The following SPAG16 variants were observed in gnomAD, a reference collection of about 807,000 sequenced individuals.
SPAG16 encodes the protein sperm associated antigen 16.
A neutral mutation model predicts 80.4 loss-of-function variants in SPAG16; 86 were observed. The ratio of observed to expected loss-of-function variants is 1.07; its 90% CI spans 0.90 to 1.28. The LOEUF (loss-of-function observed/expected upper bound fraction) is 1.28, where lower values mean the gene tolerates loss of function less well. Ranked by LOEUF, SPAG16 falls within the 50% of genes most tolerant of loss-of-function variation. The pLI, the probability that SPAG16 is intolerant of heterozygous loss-of-function variation, is 0.00. For missense variants in SPAG16, 870 were observed against 765.3 expected (o/e 1.14, Z -1.61); for synonymous variants, 294 against 265.9 (o/e 1.11, Z -1.03).
chr2:214,291,769 T>G (rs974166992), intron 15 of SPAG16, among the ~76,000 whole-genome samples: 4 of 152,230 alleles, frequency 2.6e-5, no homozygotes, highest in African/African-American at 9.6e-5. Flanking sequence ...CTTCTTTCAT[T>G]TGCTATTGTG....
At chr2:213,704,348 A>G (rs919279743) in intron 10 of SPAG16, among the ~76,000 whole-genome samples, 1 of 152,180 alleles carries the variant, frequency 6.6e-6, no homozygotes. Context: ...GCACTACAGT[A>G]TTTCATTTTA....
chr2:214,003,774 G>A (rs543971991), intron 12 of SPAG16, among the ~76,000 whole-genome samples: 46 of 152,206 alleles, frequency 3.0e-4, no homozygotes, highest in Admixed American at 2.2e-3. Flanking sequence ...TCATTAACAT[G>A]GACCACATAG....
chr2:213,598,277 G>A (rs1357680739), intron 10 of SPAG16, among the ~76,000 whole-genome samples: 3 of 152,154 alleles, frequency 2.0e-5, no homozygotes, highest in Admixed American at 2.0e-4. Flanking sequence ...CCTTCAGAGG[G>A]TGAAGGGGAA....
At chr2:213,994,209 A>G (rs2046409503) in intron 12 of SPAG16, among the ~76,000 whole-genome samples, 1 of 152,144 alleles carries the variant, frequency 6.6e-6, no homozygotes, top group African/African-American at 2.4e-5. Context: ...TTTTATGGGC[A>G]GGAGGAGTGA....
At chr2:213,359,094 A>ACAGCAAATATTGCAGAG (rs1325585832) in intron 7 of SPAG16, among the ~76,000 whole-genome samples, 4 of 152,184 alleles carry the variant, frequency 2.6e-5, no homozygotes, top group Admixed American at 2.6e-4. Flanking sequence ...AGGCTGTAGA[A>ACAGCAAATATTGCAGAG]CAGCAAATAT....
chr2:213,860,449 G>GTATATATATACAGATATATCTATCTATA (rs2075391611), intron 10 of SPAG16, among the ~76,000 whole-genome samples: 2 of 119,290 alleles, frequency 1.7e-5, no homozygotes, highest in Non-Finnish European at 3.6e-5. Flanking sequence ...ATAGATATAT[G>GTATATATATACAGATATATCTATCTATA]TATATATATA....
At chr2:213,425,651 CAA>C (rs34843702) in intron 9 of SPAG16, among the ~76,000 whole-genome samples, 12 of 82,116 alleles carry the variant, frequency 1.5e-4, no homozygotes, top group African/African-American at 3.0e-4. Context: ...GACTCCATCT[CAA>C]AAAAAAAAAA....
intron 12 of SPAG16, among the ~76,000 whole-genome samples, chr2:213,931,473 T>C (rs1483399918): frequency 6.6e-6 from 1 of 152,222 alleles, no homozygotes; most frequent in Non-Finnish European, 1.5e-5. Flanking sequence ...ATTTTTATAA[T>C]AGATTAATGG....
chr2:213,911,260 C>T (rs1364353445), intron 11 of SPAG16, among the ~76,000 whole-genome samples: 1 of 152,186 alleles, frequency 6.6e-6, no homozygotes, highest in Non-Finnish European at 1.5e-5. Flanking sequence ...ATCCTCCCAC[C>T]TTGGCCTCCC....
In SPAG16 at chr2:213,310,903, G is replaced by A. The variant is rs181881077; in HGVS notation, c.398+726G>A. ...TAGCTATTGCATATTCTAGAAAGGG[G>A]GATTAATATGATACCTAAAGATGTT... On this transcript the variant is annotated intron_variant, in intron 4 of 15. Coordinates refer to ENST00000331683, the MANE Select transcript of SPAG16 (RefSeq NM_024532.5). 4.5e-4 allele frequency among the ~76,000 whole-genome samples: 69 copies of A among 151,688 alleles called. 1 individual carries two copies. The highest frequency in any genetic ancestry group is 1.6e-3 in the African/African-American group (67 of 41,488).
At chr2:214,153,221 A>G (rs1228038156) in intron 15 of SPAG16, among the ~76,000 whole-genome samples, 2 of 152,092 alleles carry the variant, frequency 1.3e-5, no homozygotes, top group Non-Finnish European at 2.9e-5. Context: ...TACTAGACCA[A>G]GGAGTCCTCT....
At chr2:213,501,936 T>G (rs564568519) in intron 10 of SPAG16, among the ~76,000 whole-genome samples, 1 of 152,366 alleles carries the variant, frequency 6.6e-6, no homozygotes, top group African/African-American at 2.4e-5. Flanking sequence ...AATTAACAGA[T>G]TTAGATACTG....
chr2:214,302,074 G>C (rs1299057444), intron 15 of SPAG16, among the ~76,000 whole-genome samples: 1 of 151,954 alleles, frequency 6.6e-6, no homozygotes, highest in East Asian at 1.9e-4. Context: ...TAGTTTCCAT[G>C]TACTTATACA....
intron 9 of SPAG16, among the ~76,000 whole-genome samples, chr2:213,429,355 A>G (rs1486500054): frequency 1.3e-5 from 2 of 151,714 alleles, no homozygotes; most frequent in Non-Finnish European, 2.9e-5. Context: ...ACCCAACTTG[A>G]CCCCCACCAC....
intron 10 of SPAG16, among the ~76,000 whole-genome samples, chr2:213,794,163 C>T (rs1427755906): frequency 6.6e-6 from 1 of 152,072 alleles, no homozygotes; most frequent in African/African-American, 2.4e-5. Flanking sequence ...TTTTAGAACT[C>T]TCTTAATATC....
At chr2:213,494,775 G>T (rs1053134633) in intron 10 of SPAG16, among the ~76,000 whole-genome samples, 1 of 152,048 alleles carries the variant, frequency 6.6e-6, no homozygotes, top group African/African-American at 2.4e-5. Context: ...TGAGACTCTT[G>T]CCTACCTCCT....
chr2:214,243,009 T>G (rs1397435436), intron 15 of SPAG16, among the ~76,000 whole-genome samples: 1 of 152,116 alleles, frequency 6.6e-6, no homozygotes, highest in Admixed American at 6.6e-5. Flanking sequence ...AGATAAATGT[T>G]TTGAGTCATA....
intron 13 of SPAG16, among the ~76,000 whole-genome samples, chr2:214,026,832 C>T (rs984940517): frequency 6.6e-6 from 1 of 151,454 alleles, no homozygotes; most frequent in African/African-American, 2.4e-5. Context: ...TAATTATGTA[C>T]TATACAATAT....
intron 10 of SPAG16, among the ~76,000 whole-genome samples, chr2:213,591,241 A>ATATG: frequency 6.6e-6 from 1 of 152,310 alleles, no homozygotes; most frequent in Admixed American, 6.5e-5. Flanking sequence ...AATTTCCTGT[A>ATATG]TATGTCAAGG....
Sources: gnomAD v4.1 joint callset for allele counts (sites outside exome capture counted in the v4.1 genomes callset) on GRCh38, gnomAD v4.1.1 for gene constraint, MANE v1.5 for transcripts, NCBI Gene and HGNC (gene_info 2026-07-23, HGNC 2026-07-21) for gene names.